Variants in JARID2 observed in about 807,000 individuals in gnomAD.
The protein encoded by JARID2 is jumonji and AT-rich interaction domain containing 2.
A neutral mutation model predicts 125.6 loss-of-function variants in JARID2; 21 were observed. That is an observed-to-expected ratio of 0.17 (90% confidence interval 0.12 to 0.24). The LOEUF (loss-of-function observed/expected upper bound fraction) is 0.24, where lower values mean the gene tolerates loss of function less well. Ranked by LOEUF, JARID2 falls within the 10% of genes least tolerant of loss-of-function variation. The pLI, the probability that JARID2 is intolerant of heterozygous loss-of-function variation, is 1.00. For synonymous variants in JARID2, 736 were observed against 661.6 expected (o/e 1.11, Z -1.73); for missense variants, 1,303 against 1,639.6 (o/e 0.79, Z 3.55).
chr6:15,385,211 C>T (rs1240120671), intron 2 of JARID2, among the ~76,000 whole-genome samples: 1 of 152,176 alleles, frequency 6.6e-6, no homozygotes, highest in East Asian at 1.9e-4. Context: ...AAAGCATACT[C>T]TGTTTAGCTC....
intron 1 of JARID2, chr6:15,368,764 T>TA: frequency 2.1e-6 from 1 of 475,598 alleles, no homozygotes; most frequent in Non-Finnish European, 4.2e-6. Flanking sequence ...ATTCTGACAG[T>TA]AATACTGGCC....
chr6:15,374,820 G>C (rs1020303190), intron 2 of JARID2, among the ~76,000 whole-genome samples: 9 of 152,160 alleles, frequency 5.9e-5, no homozygotes, highest in African/African-American at 2.2e-4. Flanking sequence ...TTTTGAACAG[G>C]GTTCATATGG....
chr6:15,397,381 G>GTAC (rs1765258103), intron 2 of JARID2, among the ~76,000 whole-genome samples: 1 of 152,066 alleles, frequency 6.6e-6, no homozygotes. Flanking sequence ...CCATAACCTT[G>GTAC]TACTCTCTTC....
chr6:15,493,407 T>TG, intron 6 of JARID2, among the ~76,000 whole-genome samples: 1 of 152,220 alleles, frequency 6.6e-6, no homozygotes, highest in East Asian at 1.9e-4. Flanking sequence ...TGGTGGCTGA[T>TG]GCCTGAACCT....
At chr6:15,307,101 G>A (rs1158790536) in intron 1 of JARID2, among the ~76,000 whole-genome samples, 2 of 151,842 alleles carry the variant, frequency 1.3e-5, no homozygotes, top group Non-Finnish European at 1.5e-5. Context: ...AATGAGCTGG[G>A]CGTGGTGGCA....
chr6:15,343,050 T>C (rs914300154), intron 1 of JARID2, among the ~76,000 whole-genome samples: 2 of 151,990 alleles, frequency 1.3e-5, no homozygotes, highest in African/African-American at 4.8e-5. Flanking sequence ...GCCAGTGTGG[T>C]GAAACCCCAT....
intron 3 of JARID2, among the ~76,000 whole-genome samples, chr6:15,450,757 C>T (rs141411864): frequency 6.2e-4 from 95 of 152,224 alleles, no homozygotes; most frequent in Admixed American, 1.1e-3. Context: ...AGGCAATTGA[C>T]GATACATATC....
At chr6:15,476,892 G>A (rs1027628419) in intron 5 of JARID2, among the ~76,000 whole-genome samples, 5 of 152,216 alleles carry the variant, frequency 3.3e-5, no homozygotes, top group African/African-American at 1.2e-4. Context: ...TTTCCAGGGG[G>A]TAAGTGAGGT....
chr6:15,428,616 T>C (rs1766832046), intron 3 of JARID2, among the ~76,000 whole-genome samples: 1 of 152,128 alleles, frequency 6.6e-6, no homozygotes, highest in East Asian at 1.9e-4. Context: ...AATGATAGAA[T>C]CTTCTAGTGC....
intron 2 of JARID2, among the ~76,000 whole-genome samples, chr6:15,392,675 A>C (rs1451794283): frequency 7.4e-6 from 1 of 135,686 alleles, no homozygotes; most frequent in Non-Finnish European, 1.5e-5. Context: ...GTTGTGATTA[A>C]GAGACTTTTT....
At chr6:15,451,694 C>T (rs961900036) in intron 3 of JARID2, among the ~76,000 whole-genome samples, 1 of 152,034 alleles carries the variant, frequency 6.6e-6, no homozygotes, top group Non-Finnish European at 1.5e-5. Context: ...TGTCAGATAC[C>T]GTGTGTAGTT....
chr6:15,425,918 AAGG>A (rs1242965875), intron 3 of JARID2, among the ~76,000 whole-genome samples: 2 of 152,166 alleles, frequency 1.3e-5, no homozygotes, highest in Admixed American at 1.3e-4. Flanking sequence ...AGAGCGAGAA[AAGG>A]AGGAGACCCT....
intron 2 of JARID2, among the ~76,000 whole-genome samples, chr6:15,376,579 C>G (rs1283070672): frequency 6.6e-6 from 1 of 152,070 alleles, no homozygotes; most frequent in Non-Finnish European, 1.5e-5. Context: ...AATAAATTAG[C>G]CAGGCATGGT....
chr6:15,300,502 T>C (rs1315882271), intron 1 of JARID2, among the ~76,000 whole-genome samples: 3 of 152,176 alleles, frequency 2.0e-5, no homozygotes, highest in Non-Finnish European at 4.4e-5. Flanking sequence ...AGTAATAAAC[T>C]GTACCCGTAA....
intron 1 of JARID2, among the ~76,000 whole-genome samples, chr6:15,365,025 C>T (rs1481831474): frequency 2.0e-5 from 3 of 152,048 alleles, no homozygotes; most frequent in Non-Finnish European, 4.4e-5. Flanking sequence ...CATAAAAAGG[C>T]ATTAGTGATT....
chr6:15,413,002 G>GTTGTTTTTTTTTT (rs1554133602), intron 3 of JARID2, among the ~76,000 whole-genome samples: 1 of 46,532 alleles, frequency 2.1e-5, no homozygotes, highest in African/African-American at 9.3e-5. Context: ...AAGAGCTTGT[G>GTTGTTTTTTTTTT]TTTTTGTTTT....
intron 1 of JARID2, among the ~76,000 whole-genome samples, chr6:15,341,244 A>G (rs925721763): frequency 6.6e-6 from 1 of 152,312 alleles, no homozygotes; most frequent in East Asian, 1.9e-4. Flanking sequence ...TTCTTGCTTC[A>G]TGTACCTACT....
chr6:15,349,777 T>G (rs1763364223), intron 1 of JARID2, among the ~76,000 whole-genome samples: 1 of 152,200 alleles, frequency 6.6e-6, no homozygotes. Context: ...GGATGCTACC[T>G]CCTTCCCGCA....
intron 1 of JARID2, among the ~76,000 whole-genome samples, chr6:15,293,108 T>G (rs560951308): frequency 3.3e-4 from 50 of 152,326 alleles, no homozygotes; most frequent in African/African-American, 1.1e-3. Flanking sequence ...CTCTTCTCTG[T>G]GTGAGTAAAG....
Sources: gnomAD v4.1 joint callset for allele counts (sites outside exome capture counted in the v4.1 genomes callset) on GRCh38, gnomAD v4.1.1 for gene constraint, MANE v1.5 for transcripts, NCBI Gene and HGNC (gene_info 2026-07-23, HGNC 2026-07-21) for gene names.